Variants in ANKRD44 observed in about 807,000 individuals in gnomAD.
The protein encoded by ANKRD44 is ankyrin repeat domain 44.
In ANKRD44, 35 loss-of-function variants were observed where a neutral mutation model predicts 116.0. The observed-to-expected ratio is 0.30, with a 90% confidence interval of 0.23 to 0.40. The LOEUF is 0.40. Among genes scored for constraint, ANKRD44 ranks in the 10% least tolerant of loss-of-function variants. ANKRD44 has a pLI of 1.00. For missense variants in ANKRD44, 1,014 were observed against 1,242.6 expected, an observed-to-expected ratio of 0.82 and a Z score of 2.77; for synonymous variants, 435 against 461.8, an observed-to-expected ratio of 0.94 and a Z score of 0.74.
At chr2:197,024,798 T>C (rs1164949194) in intron 17 of ANKRD44, among the ~76,000 whole-genome samples, 1 of 152,216 alleles carries the variant, frequency 6.6e-6, no homozygotes, top group Non-Finnish European at 1.5e-5. Flanking sequence ...TTTTTAACTG[T>C]GGTATTCAAT....
intron 1 of ANKRD44, among the ~76,000 whole-genome samples, chr2:197,218,361 C>T (rs892904034): frequency 1.3e-5 from 2 of 152,166 alleles, no homozygotes. Flanking sequence ...GTCTGAAATA[C>T]CAGTGGGACT....
At chr2:197,113,058 C>T (rs1283622447) in intron 8 of ANKRD44, among the ~76,000 whole-genome samples, 1 of 151,964 alleles carries the variant, frequency 6.6e-6, no homozygotes, top group Non-Finnish European at 1.5e-5. Flanking sequence ...ATAATAGGAT[C>T]TTTTCTCCAT....
intron 1 of ANKRD44, among the ~76,000 whole-genome samples, chr2:197,270,563 A>C (rs527804782): frequency 2.6e-5 from 4 of 152,296 alleles, no homozygotes; most frequent in Admixed American, 6.5e-5. Flanking sequence ...AATTTCTAAG[A>C]AGTAATAAAC....
chr2:196,996,962 T>C (rs1381174760), intron 25 of ANKRD44, among the ~76,000 whole-genome samples: 1 of 150,492 alleles, frequency 6.6e-6, no homozygotes, highest in African/African-American at 2.4e-5. Context: ...CACTTAGGAA[T>C]TTATCTTAAA....
rs185410173 is a variant in ANKRD44 at position 197,263,038 on chromosome 2, G to A, written c.27+47540C>T. The A allele has an allele frequency of 4.3e-4, 129 of 300,740 alleles. 1 individual carries two copies. The highest frequency in any genetic ancestry group is 6.5e-5 in the Non-Finnish European group (10 of 154,914). The allele number at this position is 300,740 out of a possible 1,614,324, so 18.6% of individuals were successfully genotyped here. A position where few individuals can be genotyped will look rare whatever the true frequency, so the allele number is the denominator to read the frequency against. The stretch of plus-strand genomic sequence containing the variant: ...TCTGGTGCTGTCTGTGAATAATAAT[G>A]CCTCTTTAAAAGGTGTTGTGTCTTC... On this transcript the variant is annotated intron_variant, in intron 1 of 27. Coordinates refer to ENST00000282272, the MANE Select transcript of ANKRD44 (RefSeq NM_001195144.2).
intron 1 of ANKRD44, among the ~76,000 whole-genome samples, chr2:197,278,577 G>A (rs2083168675): frequency 6.6e-6 from 1 of 152,098 alleles, no homozygotes; most frequent in Non-Finnish European, 1.5e-5. Context: ...CAAACTGCTG[G>A]CCTCAACCTC....
chr2:197,058,088 A>G (rs1189598031), intron 16 of ANKRD44, among the ~76,000 whole-genome samples: 2 of 152,218 alleles, frequency 1.3e-5, no homozygotes, highest in East Asian at 3.8e-4. Context: ...TACCCGGTAT[A>G]CTGTATGTTC....
chr2:197,033,300 G>A (rs1003427616), intron 16 of ANKRD44, among the ~76,000 whole-genome samples: 1 of 152,156 alleles, frequency 6.6e-6, no homozygotes, highest in Non-Finnish European at 1.5e-5. Flanking sequence ...TGATGATGAT[G>A]GTGGTGGTGG....
At chr2:197,175,262 C>T (rs994423981) in intron 2 of ANKRD44, among the ~76,000 whole-genome samples, 1 of 152,112 alleles carries the variant, frequency 6.6e-6, no homozygotes, top group African/African-American at 2.4e-5. Context: ...CAATACTTCC[C>T]AACCATTAGG....
At chr2:197,253,593 A>G (rs2082371669) in intron 1 of ANKRD44, among the ~76,000 whole-genome samples, 1 of 152,206 alleles carries the variant, frequency 6.6e-6, no homozygotes, top group South Asian at 2.1e-4. Flanking sequence ...ATAAAAAGAA[A>G]CCTGTAAGAA....
intron 1 of ANKRD44, among the ~76,000 whole-genome samples, chr2:197,287,087 G>A (rs949145986): frequency 6.6e-6 from 1 of 152,050 alleles, no homozygotes; most frequent in East Asian, 1.9e-4. Flanking sequence ...TGTCAACTAT[G>A]GACTTTGGGT....
At chr2:197,122,425 A>C (rs1170817058) in intron 7 of ANKRD44, among the ~76,000 whole-genome samples, 1 of 152,166 alleles carries the variant, frequency 6.6e-6, no homozygotes, top group East Asian at 1.9e-4. Flanking sequence ...TTATGTCTAT[A>C]TATTTATCTA....
chr2:197,078,883 TCC>T, intron 15 of ANKRD44, 69 bp from the exon 16 acceptor site: 2 of 1,510,032 alleles, frequency 1.3e-6, no homozygotes, highest in Non-Finnish European at 1.8e-6. Context: ...TTTATGTAAA[TCC>T]TCCTATTACG....
At chr2:197,190,568 T>C (rs1290666871) in intron 1 of ANKRD44, among the ~76,000 whole-genome samples, 2 of 152,214 alleles carry the variant, frequency 1.3e-5, no homozygotes, top group Non-Finnish European at 2.9e-5. Context: ...AGAGAGCACT[T>C]TGGCACTCCT....
At chr2:197,250,054 A>G (rs749320555) in intron 1 of ANKRD44, among the ~76,000 whole-genome samples, 1 of 152,238 alleles carries the variant, frequency 6.6e-6, no homozygotes, top group Non-Finnish European at 1.5e-5. Context: ...TGCTTAAGCA[A>G]TTTGGACATT....
intron 1 of ANKRD44, among the ~76,000 whole-genome samples, chr2:197,270,764 G>GA (rs2082875058): frequency 6.6e-6 from 1 of 152,216 alleles, no homozygotes; most frequent in Non-Finnish European, 1.5e-5. Context: ...CAATATGGCA[G>GA]AAAGTGGGTA....
In ANKRD44 at chr2:197,072,040, GAGGAAAGAAGGA is replaced by G. The variant is rs1463452372; in HGVS notation, c.1650+6651_1650+6662del. Among the ~76,000 whole-genome samples, 767 of 132,554 alleles carry G rather than the reference GAGGAAAGAAGGA, an allele frequency of 5.8e-3. 5 individuals are homozygous for G. The highest frequency in any genetic ancestry group is 6.8e-3 in the Admixed American group (87 of 12,846). The allele number at this position is 132,554 out of a possible 152,430, so 87.0% of individuals were successfully genotyped here. Reference sequence around the variant, plus strand: ...ACTGAGAGGGAGGGAGGGATGGAGGGAGGAAAGAAGGAAGGAAGGAAGGAAGGAAGGAAGGAA... The same window carrying G: ...ACTGAGAGGGAGGGAGGGATGGAGGGAGGAAGGAAGGAAGGAAGGAAGGAA... On this transcript the variant is annotated intron_variant, in intron 16 of 27. Transcript: ENST00000282272.
chr2:197,241,455 C>T (rs750565713), intron 1 of ANKRD44, among the ~76,000 whole-genome samples: 1 of 152,116 alleles, frequency 6.6e-6, no homozygotes, highest in East Asian at 1.9e-4. Context: ...TAGGCAAGCA[C>T]TCTGTAGAAT....
intron 10 of ANKRD44, among the ~76,000 whole-genome samples, chr2:197,090,690 A>T (rs1203792199): frequency 6.6e-6 from 1 of 152,088 alleles, no homozygotes; most frequent in Non-Finnish European, 1.5e-5. Flanking sequence ...TTTCCCACTC[A>T]AATGTTGCCT....
Sources: gnomAD v4.1 joint callset for allele counts (sites outside exome capture counted in the v4.1 genomes callset) on GRCh38, gnomAD v4.1.1 for gene constraint, MANE v1.5 for transcripts, NCBI Gene and HGNC (gene_info 2026-07-23, HGNC 2026-07-21) for gene names.